The following CHRNB1 variants were observed in gnomAD, a reference collection of about 807,000 sequenced individuals.
CHRNB1 encodes the protein acetylcholine receptor subunit beta.
A neutral mutation model predicts 53.8 loss-of-function variants in CHRNB1; 47 were observed. The ratio of observed to expected loss-of-function variants is 0.87; its 90% CI spans 0.69 to 1.11. The LOEUF (loss-of-function observed/expected upper bound fraction) is 1.11. Ranked by LOEUF, CHRNB1 falls within the 50% of genes most tolerant of loss-of-function variation. The probability of loss-of-function intolerance (pLI) is 0.00; values close to 1 mark genes in which losing one functional copy is unlikely to be tolerated. For synonymous variants in CHRNB1, 259 were observed against 263.5 expected (o/e 0.98, Z 0.16); for missense variants, 605 against 654.9 (o/e 0.92, Z 0.83).
chr17:7,447,717 T>C, intron 6 of CHRNB1, 67 bp downstream of exon 6: 3 of 1,583,894 alleles, frequency 1.9e-6, no homozygotes, highest in Non-Finnish European at 1.7e-6. Flanking sequence ...CTCATAAATA[T>C]ACTGTCAGTG....
In CHRNB1 at chr17:7,445,911, G is replaced by A; in HGVS notation, c.199-158G>A. The stretch of plus-strand genomic sequence containing the variant: ...AGAGGTGTTTCTGAGATAGAGGCAG[G>A]TCTTAAACTAACGCCGCTTCTGGGA... On this transcript the variant is annotated intron_variant, in intron 2 of 10. Transcript: ENST00000306071. The surrounding 1 kb of genome is among the most constrained non-coding windows in gnomAD (Gnocchi z 5.7). 1 of 716,722 alleles carries A rather than the reference G, an allele frequency of 1.4e-6. No homozygotes were observed. Among genetic ancestry groups the A allele is most frequent in the South Asian group, 1.5e-5 (1 of 65,386 alleles). 44.4% of individuals were successfully genotyped at this position (716,722 alleles called of 1,614,324 possible). A position where few individuals can be genotyped will look rare whatever the true frequency, so the allele number is the denominator to read the frequency against.
Position 7,455,740 on chromosome 17 carries a change from T to A in CHRNB1, c.1218-54T>A. 2.5e-6 allele frequency: 4 copies of A among 1,613,106 alleles called. No homozygotes were observed. In the Admixed American group the frequency reaches 6.7e-5, roughly 27 times the overall value. On this transcript the variant is annotated intron_variant, in intron 9 of 10. Coordinates refer to ENST00000306071, the MANE Select transcript of CHRNB1 (RefSeq NM_000747.3). ...GGAGGCAGCTGGAGCGGGGCCTGGG[T>A]CGCCGGCACTGGCTGTCTTTGCGTT...
chr17:7,451,012 A>G (rs1412448111), intron 7 of CHRNB1, among the ~76,000 whole-genome samples: 2 of 152,186 alleles, frequency 1.3e-5, no homozygotes, highest in Admixed American at 6.6e-5. Context: ...AAAGGAGGCC[A>G]GTAGAACTGA....
chr17:7,454,820 T>TTTTTTTTG (rs1909016472), intron 8 of CHRNB1, among the ~76,000 whole-genome samples: 1 of 112,454 alleles, frequency 8.9e-6, no homozygotes, highest in African/African-American at 3.6e-5. Context: ...TTTTTTTTTT[T>TTTTTTTTG]GAGATGGAGT....
chr17:7,446,552 G>A (rs538052123), intron 3 of CHRNB1: 60 of 551,680 alleles, frequency 1.1e-4, no homozygotes, highest in South Asian at 7.6e-4. Flanking sequence ...TCCACTAAAG[G>A]ATTGCGAACT....
At chr17:7,453,943 C>T (rs945248977) in intron 7 of CHRNB1, among the ~76,000 whole-genome samples, 1 of 152,030 alleles carries the variant, frequency 6.6e-6, no homozygotes, top group Non-Finnish European at 1.5e-5. Flanking sequence ...CACCTGTAGT[C>T]CCAGCTACTC....
chr17:7,447,093 CCGA>C lies in CHRNB1; in HGVS notation c.407_409del (p.Asp136del). ...CTGGACATTAGCGTCGTGGTGTCCT[CCGA>C]CGGCTCCGTGCGTTGGCAACCCCCG... On this transcript the variant is annotated inframe_deletion, in exon 5 of 11. Transcript: ENST00000306071. 1.2e-6 allele frequency: 2 copies of C among 1,614,200 alleles called. No homozygotes were observed. The highest frequency in any genetic ancestry group is 1.7e-6 in the Non-Finnish European group (2 of 1,180,034).
intron 7 of CHRNB1, among the ~76,000 whole-genome samples, chr17:7,451,268 TC>T (rs1567678690): frequency 1.5e-4 from 21 of 137,818 alleles, no homozygotes; most frequent in African/African-American, 5.0e-4. Flanking sequence ...TCTTTTCTTT[TC>T]TTTTCTTTTT....
Position 7,445,563 on chromosome 17 carries a change from C to T in CHRNB1, c.198+154C>T. The T allele has an allele frequency of 2.0e-6, 3 of 1,498,928 alleles. No homozygotes were observed. The highest frequency in any genetic ancestry group is 4.9e-5 in the East Asian group (2 of 40,598). 92.9% of individuals were successfully genotyped at this position (1,498,928 alleles called of 1,614,324 possible). A position where few individuals can be genotyped will look rare whatever the true frequency, so the allele number is the denominator to read the frequency against. On this transcript the variant is annotated intron_variant, in intron 2 of 10. Transcript: ENST00000306071. The surrounding 1 kb of genome is among the most constrained non-coding windows in gnomAD (Gnocchi z 5.7). ...TGGTGAAGATTGGATCGAAATCAGA[C>T]CAATGGACAAGCTCTGGCCGTGGGT... is the stretch of plus-strand genomic sequence containing the variant.
At chr17:7,452,077 A>G (rs763895736) in intron 7 of CHRNB1, among the ~76,000 whole-genome samples, 14 of 137,924 alleles carry the variant, frequency 1.0e-4, no homozygotes, top group Non-Finnish European at 1.7e-4. Flanking sequence ...TTTTTTTTAG[A>G]TACAGTCCCT....
At chr17:7,446,317 G>GTA (rs1908614437) in intron 3 of CHRNB1, 3 of 379,266 alleles carry the variant, frequency 7.9e-6, no homozygotes, top group Admixed American at 6.2e-5. Context: ...GTGTGTGTGT[G>GTA]TGTGTGTGTC....
intron 7 of CHRNB1, among the ~76,000 whole-genome samples, chr17:7,453,055 A>C: frequency 6.6e-6 from 1 of 152,182 alleles, no homozygotes; most frequent in Non-Finnish European, 1.5e-5. Flanking sequence ...GATAGGGAAG[A>C]CTATCAGAGG....
At position 7,455,940 on chromosome 17, in the gene CHRNB1, C is replaced by T. The variant is rs777159945; in HGVS notation, c.1364C>T (p.Ala455Val). The stretch of plus-strand genomic sequence containing the variant: ...CTGCAGGAACAGGAGGACCACGATG[C>T]GGTATGTCCAACGGGGGTGGAACAA... ...RQLQEQEDHD[A>V]LKEDWQFVAM... The change falls in exon 10 of 11, where the codon GCG (alanine) becomes GTG (valine). Residue 455 changes from alanine (A) to valine (V), a missense_variant and splice_region_variant. Physicochemically the swap from Ala to Val is moderately conservative, Grantham distance 64. Transcript: ENST00000306071. 6.3e-7 allele frequency: 1 copy of T among 1,598,970 alleles called. No homozygotes were observed. The highest frequency in any genetic ancestry group is 8.5e-7 in the Non-Finnish European group (1 of 1,172,420).
chr17:7,455,617 A>G (rs2069941843), intron 9 of CHRNB1, 161 bp downstream of exon 9: 6 of 1,212,708 alleles, frequency 4.9e-6, no homozygotes, highest in Middle Eastern at 5.2e-4. Flanking sequence ...GTGGGAACTA[A>G]AACAGAGGCG....
Position 7,445,468 on chromosome 17 carries a change from G to A in CHRNB1, c.198+59G>A. The A allele has an allele frequency of 1.3e-6, 2 of 1,590,756 alleles. No homozygotes were observed. The highest frequency in any genetic ancestry group is 1.3e-5 in the African/African-American group (1 of 74,808). On this transcript the variant is annotated intron_variant, in intron 2 of 10. Transcript: ENST00000306071. The surrounding 1 kb of genome is among the most constrained non-coding windows in gnomAD (Gnocchi z 5.7). Reference sequence around the variant, plus strand: ...CCGACCGGCCGGGGGCGTGGCTTTAGGCAAGGCCGGACCAGGGACAGGCTG... The same window carrying A: ...CCGACCGGCCGGGGGCGTGGCTTTAAGCAAGGCCGGACCAGGGACAGGCTG...
chr17:7,452,577 AG>A (rs1908928723), intron 7 of CHRNB1, among the ~76,000 whole-genome samples: 1 of 152,242 alleles, frequency 6.6e-6, no homozygotes. Context: ...GCTTTCCATA[AG>A]ACATACTCAC....
intron 3 of CHRNB1, chr17:7,446,353 G>GA: frequency 1.7e-6 from 1 of 582,552 alleles, no homozygotes; most frequent in African/African-American, 1.9e-5. Context: ...GTGTGTGTGT[G>GA]TGTGTGTGTG....
At chr17:7,449,580 T>C (rs900151175) in intron 7 of CHRNB1, among the ~76,000 whole-genome samples, 1 of 151,792 alleles carries the variant, frequency 6.6e-6, no homozygotes, top group African/African-American at 2.4e-5. Flanking sequence ...GCTGATTTTT[T>C]TGTATTTTTG....
intron 10 of CHRNB1, 108 bp downstream of exon 10, chr17:7,456,049 C>CTTTTTTTTTGGCTTTT (rs2069947599): frequency 2.4e-6 from 1 of 409,734 alleles, no homozygotes; most frequent in East Asian, 9.6e-5. Context: ...TTTTTTTTGG[C>CTTTTTTTTTGGCTTTT]TTTTTTTTTT....
Sources: gnomAD v4.1 joint callset for allele counts (sites outside exome capture counted in the v4.1 genomes callset) on GRCh38, gnomAD v4.1.1 for gene constraint, Gnocchi (gnomAD v3.1) non-coding constraint, MANE v1.5 for transcripts, NCBI Gene and HGNC (gene_info 2026-07-23, HGNC 2026-07-21) for gene names.